Variants in ARHGAP44 observed in about 807,000 individuals in gnomAD.
ARHGAP44 encodes Rho GTPase activating protein 44, also known as rho GTPase-activating protein 44.
In ARHGAP44, 43 loss-of-function variants were observed where a neutral mutation model predicts 106.8. That is an observed-to-expected ratio of 0.40 (90% CI 0.32 to 0.52). The LOEUF (loss-of-function observed/expected upper bound fraction) is 0.52, where lower values mean the gene tolerates loss of function less well. ARHGAP44 is among the 20% of genes least tolerant of loss of function. The pLI, the probability that ARHGAP44 is intolerant of heterozygous loss-of-function variation, is 0.48. For missense variants in ARHGAP44, 866 were observed against 1,050.5 expected, an observed-to-expected ratio of 0.82 and a Z score of 2.43; for synonymous variants, 439 against 410.3, an observed-to-expected ratio of 1.07 and a Z score of -0.85.
At chr17:12,973,018 G>C in intron 16 of ARHGAP44, 1 of 396,172 alleles carries the variant, frequency 2.5e-6, no homozygotes. Flanking sequence ...ACTTTTACCA[G>C]TTTCTTTCTT....
chr17:12,937,406 C>T (rs995527187), intron 7 of ARHGAP44, among the ~76,000 whole-genome samples: 3 of 152,244 alleles, frequency 2.0e-5, no homozygotes, highest in African/African-American at 7.2e-5. Flanking sequence ...AGTGGGTCCC[C>T]CTGGAGGATT....
chr17:12,915,597 A>G (rs966124084), intron 4 of ARHGAP44, among the ~76,000 whole-genome samples: 5 of 152,152 alleles, frequency 3.3e-5, no homozygotes, highest in African/African-American at 7.2e-5. Context: ...TAGCTATCCA[A>G]TGTTCTCCTC....
intron 1 of ARHGAP44, among the ~76,000 whole-genome samples, chr17:12,806,424 C>G (rs1316785233): frequency 6.6e-6 from 1 of 152,076 alleles, no homozygotes; most frequent in Non-Finnish European, 1.5e-5. Context: ...AATAGGATGA[C>G]CATCTAATGT....
At chr17:12,973,511 C>T in intron 17 of ARHGAP44, 192 bp downstream of exon 17, 2 of 633,116 alleles carry the variant, frequency 3.2e-6, no homozygotes, top group Non-Finnish European at 5.5e-6. Flanking sequence ...AGCCCCTTCC[C>T]TGCTGTGTAG....
chr17:12,954,590 T>C (rs1281394677), intron 13 of ARHGAP44, among the ~76,000 whole-genome samples: 1 of 152,166 alleles, frequency 6.6e-6, no homozygotes, highest in Non-Finnish European at 1.5e-5. Context: ...TGCTGGACTT[T>C]CTACCGGGCT....
intron 7 of ARHGAP44, among the ~76,000 whole-genome samples, chr17:12,931,068 T>C (rs1018180445): frequency 1.3e-5 from 2 of 152,178 alleles, no homozygotes; most frequent in South Asian, 4.1e-4. Flanking sequence ...TGTTTTTGTT[T>C]TGTTTTGTTC....
At chr17:12,869,639 C>T (rs1051738740) in intron 1 of ARHGAP44, among the ~76,000 whole-genome samples, 8 of 152,112 alleles carry the variant, frequency 5.3e-5, no homozygotes, top group African/African-American at 1.4e-4. Flanking sequence ...CCCCTTCTCT[C>T]ATCCCCTGGC....
At chr17:12,797,442 T>C (rs1248993033) in intron 1 of ARHGAP44, among the ~76,000 whole-genome samples, 1 of 152,192 alleles carries the variant, frequency 6.6e-6, no homozygotes, top group African/African-American at 2.4e-5. Flanking sequence ...ACTTTTATCT[T>C]TTTCTGTGAT....
intron 7 of ARHGAP44, among the ~76,000 whole-genome samples, chr17:12,935,402 T>G (rs1006516665): frequency 1.3e-5 from 2 of 152,028 alleles, no homozygotes; most frequent in African/African-American, 4.8e-5. Context: ...GGTGAAATAC[T>G]CTACTAAAAA....
chr17:12,881,906 G>C (rs1406397378), intron 1 of ARHGAP44, among the ~76,000 whole-genome samples: 1 of 152,040 alleles, frequency 6.6e-6, no homozygotes, highest in African/African-American at 2.4e-5. Flanking sequence ...GTCTAGGCTG[G>C]TCAAGACCAG....
intron 1 of ARHGAP44, among the ~76,000 whole-genome samples, chr17:12,835,172 T>A (rs190884122): frequency 6.6e-6 from 1 of 152,326 alleles, no homozygotes; most frequent in Admixed American, 6.5e-5. Context: ...AGAATGTTCG[T>A]ATCAAATCTT....
At chr17:12,797,779 A>G (rs575997511) in intron 1 of ARHGAP44, among the ~76,000 whole-genome samples, 1 of 148,720 alleles carries the variant, frequency 6.7e-6, no homozygotes, top group African/African-American at 2.5e-5. Context: ...GTATATTAAG[A>G]TGGAAAAAAA....
intron 1 of ARHGAP44, among the ~76,000 whole-genome samples, chr17:12,892,699 T>C (rs1388063885): frequency 6.6e-6 from 1 of 152,120 alleles, no homozygotes; most frequent in Non-Finnish European, 1.5e-5. Flanking sequence ...ATTTTTGCCC[T>C]GTTGTTCAGA....
chr17:12,933,849 C>CTT (rs11303147), intron 7 of ARHGAP44, among the ~76,000 whole-genome samples: 2 of 131,538 alleles, frequency 1.5e-5, no homozygotes, highest in Non-Finnish European at 3.3e-5. Context: ...CACATAAATT[C>CTT]TTTTTTTTTT....
At chr17:12,889,158 T>A (rs1010297854) in intron 1 of ARHGAP44, among the ~76,000 whole-genome samples, 18 of 152,312 alleles carry the variant, frequency 1.2e-4, no homozygotes, top group Non-Finnish European at 2.2e-4. Context: ...TTGTATTCCT[T>A]TCTTCTTTCT....
intron 10 of ARHGAP44, 84 bp downstream of exon 10, chr17:12,944,280 C>G: frequency 6.9e-7 from 1 of 1,439,672 alleles, no homozygotes; most frequent in Non-Finnish European, 9.2e-7. Context: ...TCTCCTGTAC[C>G]ATCTCCACTC....
intron 1 of ARHGAP44, among the ~76,000 whole-genome samples, chr17:12,872,319 G>T (rs1248812424): frequency 2.0e-5 from 3 of 151,964 alleles, no homozygotes; most frequent in Non-Finnish European, 4.4e-5. Flanking sequence ...AATTTGGTTA[G>T]TCTGCTTTCT....
At chr17:12,959,236 C>T (rs1029625980) in intron 16 of ARHGAP44, among the ~76,000 whole-genome samples, 5 of 152,178 alleles carry the variant, frequency 3.3e-5, no homozygotes, top group South Asian at 2.1e-4. Context: ...AGATCAATTC[C>T]AGAATTTGTA....
intron 1 of ARHGAP44, among the ~76,000 whole-genome samples, chr17:12,823,445 T>C (rs1272417098): frequency 5.9e-5 from 9 of 152,168 alleles, no homozygotes; most frequent in Non-Finnish European, 4.4e-5. Flanking sequence ...CTAGAGAAAA[T>C]TGAAGCTCTG....
Sources: allele counts gnomAD v4.1 joint callset (sites outside exome capture counted in the v4.1 genomes callset), GRCh38; gene constraint gnomAD v4.1.1; transcripts MANE v1.5; gene names NCBI Gene and HGNC (gene_info 2026-07-23, HGNC 2026-07-21).